Variants in PEAK1 observed in about 807,000 individuals in gnomAD.
The protein encoded by PEAK1 is pseudopodium enriched atypical kinase 1.
In PEAK1, 54 loss-of-function variants were observed where a neutral mutation model predicts 124.7. The ratio of observed to expected loss-of-function variants is 0.43; its 90% CI spans 0.35 to 0.54. The LOEUF (loss-of-function observed/expected upper bound fraction) is 0.54, where lower values mean the gene tolerates loss of function less well. Among genes scored for constraint, PEAK1 ranks in the 20% least tolerant of loss-of-function variants. The probability of loss-of-function intolerance (pLI) is 0.01; values close to 1 mark genes in which losing one functional copy is unlikely to be tolerated. For synonymous variants in PEAK1, 719 were observed against 760.0 expected (o/e 0.95, Z 0.89); for missense variants, 2,046 against 2,134.5 (o/e 0.96, Z 0.82).
chr15:77,259,699 G>A lies in PEAK1; in HGVS notation c.-274-7173C>T, dbSNP rs1240265499. 2.0e-5 allele frequency among the ~76,000 whole-genome samples: 3 copies of A among 152,106 alleles called. No individual in the cohort carries two copies. The East Asian group carries it at 5.8e-4, about 29-fold the overall frequency. ...AGAATACAGCATAAAATACTGGAAA[G>A]GACTATTTTCAGACACAGGCAATGC... On this transcript the variant is annotated intron_variant, in intron 5 of 9. Transcript: ENST00000682557.
At chr15:77,137,349 T>C (rs1016136949) in intron 8 of PEAK1, among the ~76,000 whole-genome samples, 1 of 152,172 alleles carries the variant, frequency 6.6e-6, no homozygotes, top group East Asian at 1.9e-4. Context: ...CACTGACAGC[T>C]TGCACCATGT....
At chr15:77,407,922 TACATATATACAC>T (rs993092317) in intron 1 of PEAK1, among the ~76,000 whole-genome samples, 2 of 148,966 alleles carry the variant, frequency 1.3e-5, no homozygotes, top group African/African-American at 4.9e-5. Context: ...TACACATATA[TACATATATACAC>T]ACATATATAC....
At chr15:77,107,548 T>C (rs955686092), downstream of PEAK1, 2 of 152,260 alleles carry the variant, frequency 1.3e-5, no homozygotes, top group African/African-American at 4.8e-5. Flanking sequence ...TCTACATGTT[T>C]GCCTTTTCAT....
At chr15:77,201,618 T>C (rs1287175035) in intron 6 of PEAK1, among the ~76,000 whole-genome samples, 1 of 152,100 alleles carries the variant, frequency 6.6e-6, no homozygotes, top group East Asian at 1.9e-4. Context: ...AACTAAAGAT[T>C]TACCTCATAA....
intron 8 of PEAK1, among the ~76,000 whole-genome samples, chr15:77,150,599 T>A (rs145498943): frequency 0.017 from 2,525 of 152,096 alleles, 66 homozygotes; most frequent in African/African-American, 0.056. Context: ...GCCATGTTGG[T>A]GTGCTGCACC....
chr15:77,408,170 C>T lies in PEAK1; in HGVS notation c.-666+11836G>A, dbSNP rs980167497. Among the ~76,000 whole-genome samples, 118 of 151,500 alleles carry T rather than the reference C, an allele frequency of 7.8e-4. 5 individuals carry two copies. In the East Asian group the frequency reaches 0.017, roughly 22 times the overall value. On this transcript the variant is annotated intron_variant, in intron 1 of 9. Transcript: ENST00000682557. The stretch of plus-strand genomic sequence containing the variant: ...ATATATACATACACACACACACACA[C>T]ACACACACACACACACACCCTGGAA...
At chr15:77,130,254 G>T (rs976569451) in intron 9 of PEAK1, among the ~76,000 whole-genome samples, 3 of 152,112 alleles carry the variant, frequency 2.0e-5, no homozygotes, top group African/African-American at 7.2e-5. Context: ...ATCCTGCATT[G>T]GTGATTTTGC....
At chr15:77,314,589 C>T (rs529081293) in intron 2 of PEAK1, among the ~76,000 whole-genome samples, 2 of 152,064 alleles carry the variant, frequency 1.3e-5, no homozygotes, top group African/African-American at 4.8e-5. Context: ...AGGATGGTCT[C>T]GAACTCCTGA....
intron 8 of PEAK1, among the ~76,000 whole-genome samples, chr15:77,138,591 C>T (rs1055867159): frequency 1.4e-4 from 22 of 152,266 alleles, no homozygotes; most frequent in African/African-American, 4.3e-4. Flanking sequence ...GGGCCAGGCA[C>T]GGTGGCTTAT....
At chr15:77,383,152 T>A (rs1347793903) in intron 1 of PEAK1, among the ~76,000 whole-genome samples, 1 of 151,396 alleles carries the variant, frequency 6.6e-6, no homozygotes, top group Non-Finnish European at 1.5e-5. Flanking sequence ...GCCTCCCGAG[T>A]AGCTGGGATT....
intron 6 of PEAK1, among the ~76,000 whole-genome samples, chr15:77,193,601 C>T (rs1181365314): frequency 3.9e-5 from 6 of 152,108 alleles, no homozygotes; most frequent in African/African-American, 7.2e-5. Flanking sequence ...GTCAGGAGTT[C>T]GAGACCAGCC....
Position 77,179,312 on chromosome 15 carries a change from G to A in PEAK1, c.2615C>T (p.Pro872Leu), listed in dbSNP as rs200573840. Residue 872 changes from proline to leucine, a missense_variant, in exon 7 of 10, where the codon CCG (proline) becomes CTG (leucine). Physicochemically the swap from Pro to Leu is moderately conservative, Grantham distance 98. Coordinates refer to ENST00000682557, the MANE Select transcript of PEAK1 (RefSeq NM_001385026.1). ...PQSEPPAPFP[P>L]PRSTSSPYHA... The stretch of plus-strand genomic sequence containing the variant: ...GTAAGGAGAAGAAGTAGAGCGTGGC[G>A]GGGGAAAGGGAGCTGGTGGCTCACT... 6.0e-5 allele frequency: 97 copies of A among 1,613,924 alleles called. No homozygotes were observed. Among genetic ancestry groups the A allele is most frequent in the East Asian group, 6.7e-5 (3 of 44,884 alleles).
At chr15:77,220,534 A>C (rs962922338) in intron 6 of PEAK1, among the ~76,000 whole-genome samples, 4 of 151,810 alleles carry the variant, frequency 2.6e-5, no homozygotes, top group Admixed American at 6.6e-5. Context: ...AAAAAAAAAA[A>C]AAACGGTGAG....
intron 9 of PEAK1, among the ~76,000 whole-genome samples, chr15:77,130,448 G>T (rs2052761057): frequency 6.6e-6 from 1 of 152,126 alleles, no homozygotes; most frequent in Non-Finnish European, 1.5e-5. Context: ...GGAGCACAGG[G>T]TTACTCTGCC....
rs538818635 is a variant in PEAK1, at chr15:77,278,958, G to A, written c.-275+4925C>T. Among the ~76,000 whole-genome samples the A allele has an allele frequency of 5.4e-5, 8 of 149,174 alleles. No homozygotes were observed. The East Asian group carries it at 1.0e-3, about 19-fold the overall frequency. ...AGCCATTCTCTAGCCTCAGCCTCCC[G>A]AGTAGCTGGGATTAGACACACGCCA... is the stretch of plus-strand genomic sequence containing the variant. On this transcript the variant is annotated intron_variant, in intron 5 of 9. Coordinates refer to ENST00000682557, the MANE Select transcript of PEAK1 (RefSeq NM_001385026.1).
At chr15:77,178,325 T>C (rs2057011735) in intron 7 of PEAK1, 1 of 155,964 alleles carries the variant, frequency 6.4e-6, no homozygotes, top group African/African-American at 2.4e-5. Flanking sequence ...AAAAAACAAA[T>C]ATTCCCTTAA....
chr15:77,261,349 A>G (rs1471776041), intron 5 of PEAK1, among the ~76,000 whole-genome samples: 1 of 152,190 alleles, frequency 6.6e-6, no homozygotes, highest in East Asian at 1.9e-4. Context: ...GTTCGAACCC[A>G]TGGCAAAGAA....
intron 8 of PEAK1, chr15:77,155,722 G>A (rs897560490): frequency 6.6e-6 from 1 of 152,396 alleles, no homozygotes; most frequent in Admixed American, 6.5e-5. Context: ...CTCAGCTGCA[G>A]GTCTGTTGGA....
At chr15:77,247,528 G>A (rs188530116) in intron 6 of PEAK1, among the ~76,000 whole-genome samples, 7 of 108,268 alleles carry the variant, frequency 6.5e-5, no homozygotes, top group South Asian at 3.2e-4. Context: ...TCACTCTGTC[G>A]CCCAGGCTGG....
Sources: allele counts gnomAD v4.1 joint callset (sites outside exome capture counted in the v4.1 genomes callset), GRCh38; gene constraint gnomAD v4.1.1; transcripts MANE v1.5; gene names NCBI Gene and HGNC (gene_info 2026-07-23, HGNC 2026-07-21).